Variants in HDAC9 observed in about 807,000 individuals in gnomAD.
HDAC9 encodes the protein MEF-2 interacting transcription repressor (MITR) protein.
Under a neutral mutation model 139.4 loss-of-function variants are expected in HDAC9, and 41 were observed. The ratio of observed to expected loss-of-function variants is 0.29; its 90% CI spans 0.23 to 0.38. HDAC9 has a LOEUF of 0.38. Ranked by LOEUF, HDAC9 falls within the 10% of genes least tolerant of loss-of-function variation. The probability of loss-of-function intolerance (pLI) is 1.00; values close to 1 mark genes in which losing one functional copy is unlikely to be tolerated. For synonymous variants in HDAC9, 517 were observed against 476.2 expected (o/e 1.09, Z -1.12); for missense variants, 1,147 against 1,297.0 (o/e 0.88, Z 1.78).
At chr7:18,142,919 C>T (rs1786017814) in intron 1 of HDAC9, among the ~76,000 whole-genome samples, 1 of 152,218 alleles carries the variant, frequency 6.6e-6, no homozygotes, top group African/African-American at 2.4e-5. Flanking sequence ...TTCCTTATAA[C>T]CTTCCGTTGT....
intron 2 of HDAC9, among the ~76,000 whole-genome samples, chr7:18,264,845 C>G (rs993425328): frequency 6.6e-6 from 1 of 152,090 alleles, no homozygotes; most frequent in African/African-American, 2.4e-5. Flanking sequence ...GTTGTTTATG[C>G]AAGTGAATTT....
At chr7:18,334,861 A>G (rs962661039) in intron 1 of HDAC9, among the ~76,000 whole-genome samples, 3 of 151,460 alleles carry the variant, frequency 2.0e-5, no homozygotes, top group African/African-American at 7.3e-5. Context: ...CAGAGATTAC[A>G]GGCGGGGATG....
At chr7:18,549,691 G>A (rs1467396716) in intron 2 of HDAC9, among the ~76,000 whole-genome samples, 2 of 151,352 alleles carry the variant, frequency 1.3e-5, no homozygotes, top group Admixed American at 6.6e-5. Flanking sequence ...ATTCCTCTTT[G>A]TACTACTTTT....
At chr7:18,855,583 C>T (rs946229741) in intron 21 of HDAC9, among the ~76,000 whole-genome samples, 1 of 151,870 alleles carries the variant, frequency 6.6e-6, no homozygotes, top group African/African-American at 2.4e-5. Context: ...TGAACTTGAG[C>T]ACTCCTTTTC....
chr7:18,782,967 G>A (rs1275807730), intron 16 of HDAC9, among the ~76,000 whole-genome samples: 1 of 152,076 alleles, frequency 6.6e-6, no homozygotes, highest in Non-Finnish European at 1.5e-5. Context: ...AAATGTCAAT[G>A]ATGTCCTTGC....
intron 1 of HDAC9, among the ~76,000 whole-genome samples, chr7:18,148,257 G>A (rs1256739801): frequency 6.6e-6 from 1 of 152,134 alleles, no homozygotes; most frequent in Non-Finnish European, 1.5e-5. Flanking sequence ...CCGCAGGGCT[G>A]TGTTTCTTCT....
intron 1 of HDAC9, among the ~76,000 whole-genome samples, chr7:18,332,479 C>T (rs1801006739): frequency 6.6e-6 from 1 of 151,296 alleles, no homozygotes; most frequent in South Asian, 2.1e-4. Flanking sequence ...TGTAGCTTTT[C>T]TAACCAAATA....
In HDAC9 at chr7:18,999,775, A is replaced by C. The variant is rs545291396; in HGVS notation, c.*3713A>C. 6.6e-6 allele frequency: 1 copy of C among 152,298 alleles called. No homozygotes were observed. Among genetic ancestry groups the C allele is most frequent in the African/African-American group, 2.4e-5 (1 of 41,562 alleles). 9.4% of individuals were successfully genotyped at this position (152,298 alleles called of 1,614,324 possible). Reference sequence around the variant, plus strand: ...TTTAATCCCAGCATTTATGTTTAGAAGAATTAATTTAAATATTTCTTACTA... The same window carrying C: ...TTTAATCCCAGCATTTATGTTTAGACGAATTAATTTAAATATTTCTTACTA... On this transcript the variant is annotated 3_prime_UTR_variant, in exon 26 of 26. Transcript: ENST00000686413.
chr7:18,964,113 G>C (rs1395522700), intron 24 of HDAC9, among the ~76,000 whole-genome samples: 1 of 152,156 alleles, frequency 6.6e-6, no homozygotes, highest in Non-Finnish European at 1.5e-5. Context: ...ATGTATAGCA[G>C]TTTGACCTCT....
chr7:18,331,524 C>T lies in HDAC9; in HGVS notation c.-42+41009C>T, dbSNP rs1800918194. Among the ~76,000 whole-genome samples the T allele has an allele frequency of 2.0e-5, 3 of 151,500 alleles. No homozygotes were observed. In the South Asian group the frequency reaches 6.2e-4, roughly 31 times the overall value. ...CTTTTTGACCCTGTAGTATCGCTTG[C>T]AGAATGTAACAGAAATGTTTAACTT... On this transcript the variant is annotated intron_variant, in intron 1 of 3. Transcript: ENST00000413509.
intron 6 of HDAC9, among the ~76,000 whole-genome samples, chr7:18,608,521 TAA>T (rs1041488230): frequency 6.6e-6 from 1 of 152,206 alleles, no homozygotes; most frequent in Non-Finnish European, 1.5e-5. Context: ...AGATAAATTC[TAA>T]AGTTATTTTT....
chr7:18,644,506 T>C (rs1397923143), intron 8 of HDAC9, among the ~76,000 whole-genome samples, 165 bp from the exon 9 acceptor site: 1 of 152,154 alleles, frequency 6.6e-6, no homozygotes, highest in East Asian at 1.9e-4. Flanking sequence ...TTGGAAGAAA[T>C]TTTTTATTTA....
At chr7:18,771,974 G>T (rs2129165042) in intron 16 of HDAC9, among the ~76,000 whole-genome samples, 1 of 152,272 alleles carries the variant, frequency 6.6e-6, no homozygotes, top group South Asian at 2.1e-4. Flanking sequence ...TTGATGACTA[G>T]ACAAGGTGCA....
At chr7:18,516,063 G>A (rs1688520068) in intron 2 of HDAC9, among the ~76,000 whole-genome samples, 1 of 152,066 alleles carries the variant, frequency 6.6e-6, no homozygotes, top group Admixed American at 6.6e-5. Context: ...AAATATGGAG[G>A]TTCTTCAGTC....
At chr7:18,447,931 C>G (rs1186741375) in intron 1 of HDAC9, among the ~76,000 whole-genome samples, 1 of 152,142 alleles carries the variant, frequency 6.6e-6, no homozygotes, top group African/African-American at 2.4e-5. Context: ...AGTTCTGCCT[C>G]CTGGGTTCAA....
chr7:18,913,895 A>C (rs1427339372), intron 22 of HDAC9, among the ~76,000 whole-genome samples: 1 of 152,060 alleles, frequency 6.6e-6, no homozygotes, highest in Non-Finnish European at 1.5e-5. Flanking sequence ...ATATTTAAAA[A>C]GTAGCTCTTA....
At chr7:18,681,574 G>A (rs1242203974) in intron 12 of HDAC9, among the ~76,000 whole-genome samples, 1 of 152,008 alleles carries the variant, frequency 6.6e-6, no homozygotes, top group Non-Finnish European at 1.5e-5. Context: ...ATTTCCAGCA[G>A]AATTAACAGC....
chr7:18,160,500 G>A (rs1487103226), intron 1 of HDAC9, among the ~76,000 whole-genome samples: 3 of 152,182 alleles, frequency 2.0e-5, no homozygotes, highest in African/African-American at 7.2e-5. Context: ...CAGGGTGAGA[G>A]GAGAGAGTTA....
At chr7:18,520,313 A>G (rs1315164313) in intron 2 of HDAC9, among the ~76,000 whole-genome samples, 1 of 152,096 alleles carries the variant, frequency 6.6e-6, no homozygotes, top group East Asian at 1.9e-4. Flanking sequence ...ATACTGTCCT[A>G]TTCTCCTTTC....
Sources: gnomAD v4.1 joint callset for allele counts (sites outside exome capture counted in the v4.1 genomes callset) on GRCh38, gnomAD v4.1.1 for gene constraint, MANE v1.5 for transcripts, NCBI Gene and HGNC (gene_info 2026-07-23, HGNC 2026-07-21) for gene names.